The following ATP8A2 variants were observed in gnomAD, a reference collection of about 807,000 sequenced individuals.
The protein encoded by ATP8A2 is phospholipid-transporting ATPase IB.
A neutral mutation model predicts 165.6 loss-of-function variants in ATP8A2; 100 were observed. That is an observed-to-expected ratio of 0.60 (90% CI 0.51 to 0.71). ATP8A2 has a LOEUF of 0.71. ATP8A2 is among the 30% of genes least tolerant of loss of function. The pLI, the probability that ATP8A2 is intolerant of heterozygous loss-of-function variation, is 0.00. For synonymous variants in ATP8A2, 543 were observed against 548.8 expected, an observed-to-expected ratio of 0.99 and a Z score of 0.15; for missense variants, 1,227 against 1,479.5, an observed-to-expected ratio of 0.83 and a Z score of 2.80.
chr13:25,380,158 T>G (rs2032787295), intron 1 of ATP8A2, among the ~76,000 whole-genome samples: 1 of 152,058 alleles, frequency 6.6e-6, no homozygotes, highest in Non-Finnish European at 1.5e-5. Flanking sequence ...GTGCAAGTCA[T>G]GATGGAAAAC....
At chr13:25,385,176 T>TTATATA (rs2032995399) in intron 1 of ATP8A2, among the ~76,000 whole-genome samples, 3 of 152,230 alleles carry the variant, frequency 2.0e-5, no homozygotes, top group Admixed American at 2.0e-4. Flanking sequence ...TTCCTTTCTT[T>TTATATA]TGCTGAAATG....
At chr13:25,581,222 C>T (rs2039767865) in intron 22 of ATP8A2, among the ~76,000 whole-genome samples, 1 of 152,070 alleles carries the variant, frequency 6.6e-6, no homozygotes, top group Admixed American at 6.6e-5. Context: ...CTGGAATTTG[C>T]CCGACCAGCA....
At chr13:25,790,736 T>C (rs1358626388) in intron 27 of ATP8A2, among the ~76,000 whole-genome samples, 1 of 151,752 alleles carries the variant, frequency 6.6e-6, no homozygotes, top group Non-Finnish European at 1.5e-5. Flanking sequence ...ACAGACACTT[T>C]TCAAAAGAAG....
intron 33 of ATP8A2, among the ~76,000 whole-genome samples, chr13:25,939,152 C>T: frequency 6.6e-6 from 1 of 152,156 alleles, no homozygotes; most frequent in East Asian, 1.9e-4. Context: ...CTTCTCCTTT[C>T]CTTTGATTGC....
intron 28 of ATP8A2, among the ~76,000 whole-genome samples, chr13:25,835,058 A>G (rs745658727): frequency 6.6e-6 from 1 of 151,934 alleles, no homozygotes; most frequent in East Asian, 1.9e-4. Flanking sequence ...TCATTATAGC[A>G]TGGTGATGAA....
At chr13:25,506,937 G>GTATATATATATA (rs1555285034) in intron 2 of ATP8A2, among the ~76,000 whole-genome samples, 2 of 66,416 alleles carry the variant, frequency 3.0e-5, no homozygotes, top group Non-Finnish European at 6.6e-5. Flanking sequence ...ATACAGTACA[G>GTATATATATATA]TACATATATA....
chr13:25,567,343 C>T (rs1209606734), intron 16 of ATP8A2: 1 of 456,734 alleles, frequency 2.2e-6, no homozygotes, highest in Admixed American at 2.3e-5. Flanking sequence ...CCTGACTCCT[C>T]CTTGGTGGCC....
intron 33 of ATP8A2, among the ~76,000 whole-genome samples, chr13:25,958,469 G>A (rs958167298): frequency 3.9e-5 from 6 of 152,152 alleles, no homozygotes; most frequent in Non-Finnish European, 5.9e-5. Flanking sequence ...CTGACCCAGG[G>A]CAGTGCTGCA....
At chr13:25,452,506 G>GA (rs2035256383) in intron 1 of ATP8A2, among the ~76,000 whole-genome samples, 1 of 151,904 alleles carries the variant, frequency 6.6e-6, no homozygotes, top group Non-Finnish European at 1.5e-5. Context: ...CTTGAGAAAA[G>GA]CACTATTAAA....
At chr13:25,539,273 A>T (rs1161533592) in intron 7 of ATP8A2, among the ~76,000 whole-genome samples, 2 of 151,808 alleles carry the variant, frequency 1.3e-5, no homozygotes, top group Admixed American at 6.6e-5. Context: ...ATTTTTAAAA[A>T]TTTTTTTGTA....
chr13:25,423,901 T>C (rs936500683), intron 1 of ATP8A2, among the ~76,000 whole-genome samples: 7 of 152,162 alleles, frequency 4.6e-5, no homozygotes, highest in Admixed American at 3.3e-4. Flanking sequence ...GTACAAATAA[T>C]TCTAACAGTG....
chr13:25,497,264 A>G (rs1477302925), intron 2 of ATP8A2, among the ~76,000 whole-genome samples: 1 of 152,336 alleles, frequency 6.6e-6, no homozygotes, highest in East Asian at 1.9e-4. Flanking sequence ...TGAAATTTGT[A>G]GGCTTCATAT....
intron 1 of ATP8A2, among the ~76,000 whole-genome samples, chr13:25,465,723 CTT>C (rs573227196): frequency 6.3e-5 from 3 of 47,486 alleles, no homozygotes; most frequent in African/African-American, 2.5e-4. Context: ...TTCTTTCTTT[CTT>C]TCTTTCTTTC....
chr13:25,961,801 A>G, intron 34 of ATP8A2, 138 bp downstream of exon 34: 1 of 625,582 alleles, frequency 1.6e-6, no homozygotes, highest in African/African-American at 1.9e-5. Context: ...GCCAGAAATG[A>G]AAAAAAAATT....
At chr13:25,626,460 TA>T (rs2041102528) in intron 24 of ATP8A2, among the ~76,000 whole-genome samples, 1 of 152,176 alleles carries the variant, frequency 6.6e-6, no homozygotes, top group African/African-American at 2.4e-5. Context: ...TGGCCTTGTC[TA>T]ATCCTAATTA....
intron 1 of ATP8A2, among the ~76,000 whole-genome samples, chr13:25,451,119 G>A (rs2035212772): frequency 6.6e-6 from 1 of 152,034 alleles, no homozygotes; most frequent in Non-Finnish European, 1.5e-5. Flanking sequence ...TGTCTCGTAG[G>A]TCACCGATGC....
intron 33 of ATP8A2, among the ~76,000 whole-genome samples, chr13:25,929,832 A>C (rs1195409149): frequency 6.6e-6 from 1 of 152,206 alleles, no homozygotes; most frequent in Non-Finnish European, 1.5e-5. Context: ...TCTAAAAAAA[A>C]CCCAAAATCC....
chr13:25,561,809 A>T (rs897632552), intron 15 of ATP8A2, among the ~76,000 whole-genome samples: 3 of 152,144 alleles, frequency 2.0e-5, no homozygotes, highest in Non-Finnish European at 4.4e-5. Context: ...AGTAACCACC[A>T]TTCTGTTTTC....
chr13:25,479,999 CTG>C (rs2036114609), intron 2 of ATP8A2, among the ~76,000 whole-genome samples: 1 of 152,242 alleles, frequency 6.6e-6, no homozygotes, highest in South Asian at 2.1e-4. Flanking sequence ...TCTCAATGAG[CTG>C]TTGGGCACAC....
Sources: allele counts gnomAD v4.1 joint callset (sites outside exome capture counted in the v4.1 genomes callset), GRCh38; gene constraint gnomAD v4.1.1; transcripts MANE v1.5; gene names NCBI Gene and HGNC (gene_info 2026-07-23, HGNC 2026-07-21).